The following MPP7 variants were observed in gnomAD, a reference collection of about 807,000 sequenced individuals.
The protein encoded by MPP7 is MAGUK p55 scaffold protein 7, also known as MAGUK p55 subfamily member 7.
A neutral mutation model predicts 76.5 loss-of-function variants in MPP7; 60 were observed. That is an observed-to-expected ratio of 0.78 (90% confidence interval 0.64 to 0.97). MPP7 has a LOEUF of 0.97. MPP7 is among the 50% of genes least tolerant of loss of function. The pLI, the probability that MPP7 is intolerant of heterozygous loss-of-function variation, is 0.00. For missense variants in MPP7, 641 were observed against 694.0 expected, an observed-to-expected ratio of 0.92 and a Z score of 0.86; for synonymous variants, 237 against 244.5, an observed-to-expected ratio of 0.97 and a Z score of 0.29.
rs59550501 is a variant in MPP7, at chr10:28,057,605, C to CTTTTTTTTTTTTT, written c.1407+877_1407+889dup. 3.3e-5 allele frequency: 4 copies of CTTTTTTTTTTTTT among 122,450 alleles called. 1 individual carries two copies. Among genetic ancestry groups the CTTTTTTTTTTTTT allele is most frequent in the African/African-American group, 2.7e-4 (4 of 14,794 alleles). 7.6% of individuals were successfully genotyped at this position (122,450 alleles called of 1,614,324 possible). A position where few individuals can be genotyped will look rare whatever the true frequency, so the allele number is the denominator to read the frequency against. On this transcript the variant is annotated intron_variant, in intron 15 of 16. Transcript: ENST00000683449. ...GCAGAGCAGTGAGCCAATTAAACCT[C>CTTTTTTTTTTTTT]TTTTTTTTTTTTTTTTTTTTTTTTT...
chr10:28,281,279 G>C (rs1048792623), intron 1 of MPP7, among the ~76,000 whole-genome samples: 3 of 151,930 alleles, frequency 2.0e-5, no homozygotes, highest in African/African-American at 7.3e-5. Flanking sequence ...AGTAGAGATG[G>C]AGTTTTGCCA....
At chr10:28,273,582 A>G (rs1840396062) in intron 1 of MPP7, among the ~76,000 whole-genome samples, 1 of 152,220 alleles carries the variant, frequency 6.6e-6, no homozygotes, top group East Asian at 1.9e-4. Flanking sequence ...ACTCACCCAC[A>G]TCTACCTTCA....
In MPP7 at chr10:28,262,258, TGTATATATATATATATATA is replaced by T. The variant is rs1564741674; in HGVS notation, c.-131-23542_-131-23524del. On this transcript the variant is annotated intron_variant, in intron 1 of 16. Transcript: ENST00000683449. ...ATATATATATACATATATATATATA[TGTATATATATATATATATA>T]TTTTTTTTTTTTTCTTCACCATGTT... Among the ~76,000 whole-genome samples, 106 of 25,804 alleles carry T rather than the reference TGTATATATATATATATATA, an allele frequency of 4.1e-3. 9 individuals are homozygous for T. Among genetic ancestry groups the T allele is most frequent in the Admixed American group, 0.012 (20 of 1,730 alleles). The allele number at this position is 25,804 out of a possible 152,430, so 16.9% of individuals were successfully genotyped here. A position where few individuals can be genotyped will look rare whatever the true frequency, so the allele number is the denominator to read the frequency against.
intron 12 of MPP7, among the ~76,000 whole-genome samples, chr10:28,087,402 T>C (rs1853068872): frequency 6.6e-6 from 1 of 152,128 alleles, no homozygotes; most frequent in Admixed American, 6.5e-5. Flanking sequence ...TTTTTCTTTC[T>C]TTCTTTTTTT....
intron 2 of MPP7, 54 bp downstream of exon 2, chr10:28,238,514 G>T: frequency 6.3e-7 from 1 of 1,580,586 alleles, no homozygotes; most frequent in South Asian, 1.1e-5. Context: ...ATTTCACTGT[G>T]AACAAGATTT....
At chr10:28,080,242 T>C (rs1191081018) in intron 12 of MPP7, among the ~76,000 whole-genome samples, 2 of 152,210 alleles carry the variant, frequency 1.3e-5, no homozygotes, top group Admixed American at 6.5e-5. Flanking sequence ...TTATATAGAC[T>C]GACTAAAATA....
At chr10:28,299,724 A>G (rs1466351820) in intron 1 of MPP7, among the ~76,000 whole-genome samples, 3 of 150,224 alleles carry the variant, frequency 2.0e-5, no homozygotes, top group Admixed American at 6.6e-5. Context: ...ATGAAGGAAT[A>G]CCCTTTCCTT....
intron 2 of MPP7, among the ~76,000 whole-genome samples, chr10:28,227,117 T>C (rs1272237585): frequency 2.0e-5 from 3 of 152,194 alleles, no homozygotes; most frequent in South Asian, 4.1e-4. Flanking sequence ...CACTTAGTTC[T>C]AAATATTTTG....
At chr10:28,230,826 A>G (rs1016558523) in intron 2 of MPP7, among the ~76,000 whole-genome samples, 1 of 152,212 alleles carries the variant, frequency 6.6e-6, no homozygotes, top group East Asian at 1.9e-4. Context: ...AAATAAATAA[A>G]TAAATAAACT....
chr10:28,297,642 T>G (rs1173319724), intron 1 of MPP7, among the ~76,000 whole-genome samples: 6 of 152,086 alleles, frequency 3.9e-5, no homozygotes, highest in Non-Finnish European at 8.8e-5. Flanking sequence ...GAGGTTGCAG[T>G]GAGCCAAGAT....
At chr10:28,140,193 C>T (rs1835469675) in intron 5 of MPP7, among the ~76,000 whole-genome samples, 1 of 152,160 alleles carries the variant, frequency 6.6e-6, no homozygotes, top group African/African-American at 2.4e-5. Context: ...AAGGAGCCCA[C>T]TATCTAATCA....
intron 1 of MPP7, among the ~76,000 whole-genome samples, chr10:28,261,470 C>A (rs1011467588): frequency 1.3e-5 from 2 of 152,152 alleles, no homozygotes; most frequent in African/African-American, 4.8e-5. Flanking sequence ...CCATTCTATC[C>A]TAAATGTGGT....
At chr10:28,062,227 C>G (rs1179430702) in intron 13 of MPP7, among the ~76,000 whole-genome samples, 1 of 151,814 alleles carries the variant, frequency 6.6e-6, no homozygotes, top group Admixed American at 6.6e-5. Flanking sequence ...AAAGATTAGG[C>G]TGGGGGAAAG....
At chr10:28,113,079 C>T (rs1180476667) in intron 11 of MPP7, among the ~76,000 whole-genome samples, 2 of 152,214 alleles carry the variant, frequency 1.3e-5, no homozygotes, top group East Asian at 1.9e-4. Flanking sequence ...TGACTCACTC[C>T]GTGACCTCTA....
At chr10:28,238,889 TG>T (rs1339861061) in intron 1 of MPP7, among the ~76,000 whole-genome samples, 154 bp from the exon 2 acceptor site, 1 of 152,222 alleles carries the variant, frequency 6.6e-6, no homozygotes, top group Non-Finnish European at 1.5e-5. Context: ...GTACAAACTG[TG>T]AGAGTTTCTG....
intron 11 of MPP7, among the ~76,000 whole-genome samples, chr10:28,115,324 C>T (rs1169190099): frequency 6.6e-6 from 1 of 152,056 alleles, no homozygotes; most frequent in African/African-American, 2.4e-5. Flanking sequence ...AGGCTGGTTT[C>T]GAACTCCTGA....
At chr10:28,057,757 T>C (rs1851620222) in intron 15 of MPP7, 1 of 1,288,620 alleles carries the variant, frequency 7.8e-7, no homozygotes, top group African/African-American at 1.5e-5. Flanking sequence ...TCATCTTCCT[T>C]TAGAGGTCCA....
In MPP7 at chr10:28,054,043, C is replaced by T; in HGVS notation, c.*22G>A. On this transcript the variant is annotated 3_prime_UTR_variant, in exon 17 of 17. Coordinates refer to ENST00000683449, the MANE Select transcript of MPP7 (RefSeq NM_001318170.2). ...TCATCATGCACTCTATAGAAAAAGA[C>T]AATTATGGAAATTTCTCTTAGTTAT... 4.4e-6 allele frequency: 7 copies of T among 1,590,090 alleles called. No homozygotes were observed. Among genetic ancestry groups the T allele is most frequent in the Non-Finnish European group, 6.0e-6 (7 of 1,162,350 alleles).
In MPP7 at chr10:28,056,553, C is replaced by T. The variant is rs767490155; in HGVS notation, c.1478G>A (p.Arg493His). The T allele has an allele frequency of 2.8e-5, 45 of 1,612,120 alleles. No homozygotes were observed. Among genetic ancestry groups the T allele is most frequent in the Admixed American group, 6.7e-5 (4 of 59,448 alleles). Reference protein sequence around the residue: ...VIFIKPPSIERLRETRKNAKI... With the variant: ...VIFIKPPSIEHLRETRKNAKI... ...TGCATTTTTTCTTGTTTCTCTCAAA[C>T]GCTCTATTGATGGAGGCTTTATAAA... The change falls in exon 16 of 17, where the codon CGT (arginine) becomes CAT (histidine). Residue 493 changes from arginine to histidine, a missense_variant. Physicochemically the swap from Arg to His is conservative, Grantham distance 29. Coordinates refer to ENST00000683449, the MANE Select transcript of MPP7 (RefSeq NM_001318170.2).
Sources: gnomAD v4.1 joint callset for allele counts (sites outside exome capture counted in the v4.1 genomes callset) on GRCh38, gnomAD v4.1.1 for gene constraint, MANE v1.5 for transcripts, NCBI Gene and HGNC (gene_info 2026-07-23, HGNC 2026-07-21) for gene names.